PHACTR1: variants seen among roughly 807,000 people sequenced by gnomAD.
The protein encoded by PHACTR1 is RPEL repeat containing 1.
In PHACTR1, 16 loss-of-function variants were observed where a neutral mutation model predicts 69.2. That is an observed-to-expected ratio of 0.23 (90% CI 0.16 to 0.35). PHACTR1 has a LOEUF of 0.35. Ranked by LOEUF, PHACTR1 falls within the 10% of genes least tolerant of loss-of-function variation. The pLI is 1.00. For missense variants in PHACTR1, 510 were observed against 734.7 expected (o/e 0.69, Z 3.54); for synonymous variants, 312 against 284.5 (o/e 1.10, Z -0.97).
intron 10 of PHACTR1, among the ~76,000 whole-genome samples, chr6:13,261,628 G>GC (rs1198986494): frequency 6.6e-6 from 1 of 152,186 alleles, no homozygotes; most frequent in African/African-American, 2.4e-5. Context: ...TCTAAGTGAG[G>GC]CAGAGGTGGC....
Position 13,050,379 on chromosome 6 carries a change from G to A in PHACTR1, c.251-2986G>A, listed in dbSNP as rs188785568. ...TAATCTGTTATTTTACCACTGCTGC[G>A]AAATTAATCTCCCTGAGGCCCACAT... is the stretch of plus-strand genomic sequence containing the variant. On this transcript the variant is annotated intron_variant, in intron 4 of 14. Transcript: ENST00000332995. Among the ~76,000 whole-genome samples, 19 of 152,126 alleles carry A rather than the reference G, an allele frequency of 1.2e-4. No individual in the cohort carries two copies. The East Asian group carries it at 2.5e-3, about 20-fold the overall frequency.
At chr6:12,882,720 G>C (rs1478785437) in intron 4 of PHACTR1, among the ~76,000 whole-genome samples, 5 of 152,154 alleles carry the variant, frequency 3.3e-5, no homozygotes, top group Non-Finnish European at 7.3e-5. Context: ...CGCCCTTCTG[G>C]AAGGGTGGCT....
intron 10 of PHACTR1, among the ~76,000 whole-genome samples, chr6:13,269,010 G>T (rs1305725893): frequency 6.6e-6 from 1 of 152,122 alleles, no homozygotes; most frequent in East Asian, 1.9e-4. Context: ...AAAAGGGGAG[G>T]CCACCACAGA....
intron 4 of PHACTR1, among the ~76,000 whole-genome samples, chr6:12,916,883 G>A (rs536602035): frequency 4.5e-4 from 69 of 152,182 alleles, no homozygotes; most frequent in East Asian, 2.1e-3. Context: ...TTCTGGGCCC[G>A]GGCTCTTGAG....
intron 10 of PHACTR1, among the ~76,000 whole-genome samples, chr6:13,244,962 CA>C (rs1202745953): frequency 6.6e-6 from 1 of 152,166 alleles, no homozygotes; most frequent in Non-Finnish European, 1.5e-5. Context: ...TAAAGACAGG[CA>C]TAAGAAATTA....
chr6:12,950,147 C>T (rs942655347), intron 4 of PHACTR1, among the ~76,000 whole-genome samples: 2 of 152,230 alleles, frequency 1.3e-5, no homozygotes, highest in African/African-American at 2.4e-5. Flanking sequence ...TTCAGTCTCT[C>T]ATGAGGTTGC....
intron 5 of PHACTR1, among the ~76,000 whole-genome samples, chr6:13,065,941 C>T (rs1808560951): frequency 1.4e-5 from 2 of 147,684 alleles, no homozygotes; most frequent in Admixed American, 1.4e-4. Flanking sequence ...TGGAGCATTT[C>T]ATTTCTTCTT....
chr6:13,209,080 A>G (rs1766396300), intron 8 of PHACTR1, among the ~76,000 whole-genome samples: 1 of 152,148 alleles, frequency 6.6e-6, no homozygotes, highest in Non-Finnish European at 1.5e-5. Context: ...CACCCCAGAG[A>G]AAGAGAGGCC....
chr6:12,809,811 T>A (rs376468156), intron 4 of PHACTR1, among the ~76,000 whole-genome samples: 2 of 152,146 alleles, frequency 1.3e-5, no homozygotes, highest in African/African-American at 4.8e-5. Context: ...TCCAAAACAA[T>A]AAAAAATAAA....
chr6:13,002,343 T>G (rs1470089288), intron 4 of PHACTR1, among the ~76,000 whole-genome samples: 1 of 152,236 alleles, frequency 6.6e-6, no homozygotes, highest in East Asian at 1.9e-4. Context: ...CAAATATTTA[T>G]TCACAGGAAA....
chr6:12,856,629 A>G (rs1780398707), intron 4 of PHACTR1, among the ~76,000 whole-genome samples: 1 of 152,144 alleles, frequency 6.6e-6, no homozygotes, highest in Non-Finnish European at 1.5e-5. Flanking sequence ...AACCAAATAT[A>G]CAGGAGTCCT....
At chr6:13,180,281 A>G (rs1415336799) in intron 6 of PHACTR1, among the ~76,000 whole-genome samples, 3 of 152,188 alleles carry the variant, frequency 2.0e-5, no homozygotes, top group Non-Finnish European at 4.4e-5. Flanking sequence ...GTATTTAGCA[A>G]TTATAACAGT....
At chr6:13,143,790 A>G (rs1352043342) in intron 5 of PHACTR1, among the ~76,000 whole-genome samples, 9 of 152,082 alleles carry the variant, frequency 5.9e-5, no homozygotes, top group Non-Finnish European at 8.8e-5. Flanking sequence ...CTCTCATTAT[A>G]TAAACATAAA....
chr6:12,947,041 G>C (rs1402338631), intron 4 of PHACTR1, among the ~76,000 whole-genome samples: 1 of 151,806 alleles, frequency 6.6e-6, no homozygotes, highest in East Asian at 1.9e-4. Flanking sequence ...TCAAACTCCT[G>C]ATGTCGTGAT....
At chr6:13,227,311 G>A (rs920471501) in intron 8 of PHACTR1, among the ~76,000 whole-genome samples, 4 of 152,044 alleles carry the variant, frequency 2.6e-5, no homozygotes, top group Non-Finnish European at 5.9e-5. Flanking sequence ...CCTATTAGTC[G>A]CCCTGTGTAG....
At chr6:13,226,703 C>T (rs1433829516) in intron 8 of PHACTR1, among the ~76,000 whole-genome samples, 4 of 151,414 alleles carry the variant, frequency 2.6e-5, no homozygotes, top group African/African-American at 9.7e-5. Flanking sequence ...TTTGATGACA[C>T]GCATGTAGTA....
At chr6:12,840,088 C>T (rs2127741050) in intron 4 of PHACTR1, among the ~76,000 whole-genome samples, 1 of 152,234 alleles carries the variant, frequency 6.6e-6, no homozygotes, top group Admixed American at 6.5e-5. Flanking sequence ...ATCAAGCAAG[C>T]TATCATTCCT....
intron 7 of PHACTR1, among the ~76,000 whole-genome samples, chr6:13,191,953 G>A (rs760185495): frequency 4.6e-5 from 7 of 152,176 alleles, no homozygotes; most frequent in Non-Finnish European, 7.3e-5. Context: ...GATTAAAACA[G>A]TTTTTAAAGG....
intron 4 of PHACTR1, among the ~76,000 whole-genome samples, chr6:12,786,684 G>A (rs575327668): frequency 5.9e-5 from 9 of 152,182 alleles, no homozygotes; most frequent in South Asian, 2.1e-4. Flanking sequence ...TGGTTCAGGC[G>A]TACAAGAGCA....
Sources: allele counts gnomAD v4.1 joint callset (sites outside exome capture counted in the v4.1 genomes callset), GRCh38; gene constraint gnomAD v4.1.1; transcripts MANE v1.5; gene names NCBI Gene and HGNC (gene_info 2026-07-23, HGNC 2026-07-21).